The following GIPC2 variants were observed in gnomAD, a reference collection of about 807,000 sequenced individuals.
GIPC2 encodes the protein PDZ domain-containing protein GIPC2.
Under a neutral mutation model 30.6 loss-of-function variants are expected in GIPC2, and 30 were observed. The ratio of observed to expected loss-of-function variants is 0.98; its 90% CI spans 0.73 to 1.33. The LOEUF (loss-of-function observed/expected upper bound fraction) is 1.33, where lower values mean the gene tolerates loss of function less well. Ranked by LOEUF, GIPC2 falls within the 40% of genes most tolerant of loss-of-function variation. The pLI is 0.00. For synonymous variants in GIPC2, 167 were observed against 150.0 expected (o/e 1.11, Z -0.83); for missense variants, 414 against 390.3 (o/e 1.06, Z -0.51).
chr1:78,106,971 C>T (rs1321247092), intron 3 of GIPC2, among the ~76,000 whole-genome samples: 1 of 152,104 alleles, frequency 6.6e-6, no homozygotes, highest in Non-Finnish European at 1.5e-5. Context: ...CCACTGTGCC[C>T]GGCCTAGGTG....
At chr1:78,105,138 T>C (rs1662320533) in intron 3 of GIPC2, among the ~76,000 whole-genome samples, 1 of 152,222 alleles carries the variant, frequency 6.6e-6, no homozygotes, top group African/African-American at 2.4e-5. Flanking sequence ...TCTACTCTAG[T>C]TGTAAACTTG....
chr1:78,070,558 ATTTAT>A (rs1349933369), intron 1 of GIPC2, among the ~76,000 whole-genome samples: 1 of 151,972 alleles, frequency 6.6e-6, no homozygotes, highest in Non-Finnish European at 1.5e-5. Flanking sequence ...TATGCATTTG[ATTTAT>A]TTTATTCGTT....
intron 1 of GIPC2, among the ~76,000 whole-genome samples, chr1:78,074,605 C>G (rs1461401092): frequency 6.6e-6 from 1 of 152,182 alleles, no homozygotes. Context: ...CCAAATGACT[C>G]AACTAAACCC....
At chr1:78,076,258 A>T (rs1229293592) in intron 1 of GIPC2, among the ~76,000 whole-genome samples, 1 of 152,242 alleles carries the variant, frequency 6.6e-6, no homozygotes, top group Non-Finnish European at 1.5e-5. Flanking sequence ...GATACTGAAG[A>T]TGTTGATGTC....
intron 3 of GIPC2, among the ~76,000 whole-genome samples, chr1:78,109,220 C>T (rs1194505070): frequency 6.6e-6 from 1 of 152,170 alleles, no homozygotes; most frequent in Non-Finnish European, 1.5e-5. Context: ...TTATTCTGAC[C>T]TTGCGGCCTT....
intron 2 of GIPC2, 52 bp downstream of exon 2, chr1:78,080,912 A>G (rs761991029): frequency 9.3e-7 from 1 of 1,073,644 alleles, no homozygotes; most frequent in East Asian, 2.7e-5. Context: ...CATTTAAGAA[A>G]ATCTACCAGG....
intron 1 of GIPC2, among the ~76,000 whole-genome samples, chr1:78,058,469 G>A (rs2102639415): frequency 6.6e-6 from 1 of 152,204 alleles, no homozygotes; most frequent in East Asian, 1.9e-4. Context: ...CTTATTAGGA[G>A]TTCAGCATTG....
intron 3 of GIPC2, among the ~76,000 whole-genome samples, chr1:78,105,955 G>C (rs550887072): frequency 2.0e-5 from 3 of 152,200 alleles, no homozygotes; most frequent in African/African-American, 7.2e-5. Flanking sequence ...TGTTTGTGAG[G>C]CTGGGCGCGG....
chr1:78,069,547 T>C (rs575963096), intron 1 of GIPC2, among the ~76,000 whole-genome samples: 42 of 151,184 alleles, frequency 2.8e-4, no homozygotes, highest in African/African-American at 8.5e-4. Context: ...AATCTTGGCT[T>C]ACTGCAACCT....
intron 3 of GIPC2, among the ~76,000 whole-genome samples, chr1:78,103,223 A>G (rs1662283678): frequency 1.3e-5 from 2 of 152,216 alleles, no homozygotes; most frequent in Non-Finnish European, 2.9e-5. Context: ...TACATTAAGA[A>G]TCAAGTAATT....
At chr1:78,101,407 A>G (rs985190046) in intron 3 of GIPC2, among the ~76,000 whole-genome samples, 6 of 152,242 alleles carry the variant, frequency 3.9e-5, no homozygotes, top group Non-Finnish European at 7.3e-5. Context: ...TTAGAACACA[A>G]AGTAGAATAG....
rs1663023912 is a variant in GIPC2 at position 78,137,316 on chromosome 1, C to G, written c.*1573C>G. The G allele has an allele frequency of 6.6e-6, 1 of 152,012 alleles. No homozygotes were observed. Among genetic ancestry groups the G allele is most frequent in the Admixed American group, 6.5e-5 (1 of 15,268 alleles). 9.4% of individuals were successfully genotyped at this position (152,012 alleles called of 1,614,324 possible). Reference sequence around the variant, plus strand: ...CCTATTAATTCTTAATATTACCTCTCTTGGAAAGACACAAAAAAAGAGCTG... The same window carrying G: ...CCTATTAATTCTTAATATTACCTCTGTTGGAAAGACACAAAAAAAGAGCTG... On this transcript the variant is annotated 3_prime_UTR_variant, in exon 6 of 6. Transcript: ENST00000370759.
chr1:78,119,638 G>A (rs1662641877), intron 4 of GIPC2, 139 bp downstream of exon 4: 4 of 593,184 alleles, frequency 6.7e-6, no homozygotes, highest in African/African-American at 1.9e-5. Context: ...ATTTAAAAAG[G>A]AAATATAGAA....
chr1:78,134,301 T>C (rs931158285), intron 5 of GIPC2, among the ~76,000 whole-genome samples: 2 of 152,044 alleles, frequency 1.3e-5, no homozygotes, highest in Non-Finnish European at 1.5e-5. Flanking sequence ...ACAAACTTGA[T>C]TCCTGTTGTT....
At chr1:78,110,417 T>C (rs1380634942) in intron 3 of GIPC2, among the ~76,000 whole-genome samples, 3 of 152,212 alleles carry the variant, frequency 2.0e-5, no homozygotes, top group Admixed American at 2.0e-4. Context: ...TTAAAAAATT[T>C]GAAAACACTG....
chr1:78,045,823 T>G (rs1329384284), upstream of GIPC2: 27 of 1,222,174 alleles, frequency 2.2e-5, no homozygotes, highest in Non-Finnish European at 2.4e-5. Context: ...AGCCATTTTT[T>G]ACAAGGAGTA....
In GIPC2 at chr1:78,050,665, C is replaced by T. The variant is rs140412407; in HGVS notation, c.240+4331C>T. On this transcript the variant is annotated intron_variant, in intron 1 of 5. Coordinates refer to ENST00000370759, the MANE Select transcript of GIPC2 (RefSeq NM_017655.6). ...TTTCTTTTTTTTGTGACGGGAGTCTCGCTCTGTCGCCCAGGCTGGAGTGCA... is the reference window on the plus strand; with the variant it reads ...TTTCTTTTTTTTGTGACGGGAGTCTTGCTCTGTCGCCCAGGCTGGAGTGCA... 4.1e-3 allele frequency among the ~76,000 whole-genome samples: 617 copies of T among 149,502 alleles called. 4 individuals are homozygous for T. Among genetic ancestry groups the T allele is most frequent in the African/African-American group, 0.014 (571 of 40,566 alleles).
At chr1:78,112,922 G>A (rs906523695) in intron 3 of GIPC2, among the ~76,000 whole-genome samples, 3 of 152,048 alleles carry the variant, frequency 2.0e-5, no homozygotes, top group Admixed American at 6.5e-5. Flanking sequence ...AACAGCATTC[G>A]TTATTTGGGT....
intron 5 of GIPC2, among the ~76,000 whole-genome samples, chr1:78,131,702 T>C (rs925786088): frequency 6.6e-5 from 10 of 152,242 alleles, no homozygotes; most frequent in African/African-American, 2.4e-4. Context: ...TACCATTTAC[T>C]TATCCTGTAA....
Sources: allele counts gnomAD v4.1 joint callset (sites outside exome capture counted in the v4.1 genomes callset), GRCh38; gene constraint gnomAD v4.1.1; transcripts MANE v1.5; gene names NCBI Gene and HGNC (gene_info 2026-07-23, HGNC 2026-07-21).